GALNT11: variants seen among roughly 807,000 people sequenced by gnomAD.
GALNT11 encodes the protein UDP-GalNAc:polypeptide N-acetylgalactosaminyltransferase 11.
In GALNT11, 47 loss-of-function variants were observed where a neutral mutation model predicts 72.7. The observed-to-expected ratio is 0.65, with a 90% confidence interval of 0.51 to 0.82. The LOEUF (loss-of-function observed/expected upper bound fraction) is 0.82. GALNT11 is among the 40% of genes least tolerant of loss of function. GALNT11 has a pLI of 0.00. For synonymous variants in GALNT11, 270 were observed against 286.6 expected, an observed-to-expected ratio of 0.94 and a Z score of 0.58; for missense variants, 677 against 778.4, an observed-to-expected ratio of 0.87 and a Z score of 1.55.
intron 1 of GALNT11, among the ~76,000 whole-genome samples, chr7:152,030,594 C>G (rs1180155081): frequency 6.6e-6 from 1 of 152,200 alleles, no homozygotes; most frequent in Non-Finnish European, 1.5e-5. Flanking sequence ...TTGCCGCCCA[C>G]AATAGGGTAC....
intron 8 of GALNT11, among the ~76,000 whole-genome samples, chr7:152,113,808 C>T (rs893784114): frequency 1.4e-5 from 2 of 140,666 alleles, no homozygotes; most frequent in Non-Finnish European, 3.1e-5. Context: ...GTGATCACGG[C>T]TCACTGCAGC....
chr7:152,094,096 G>C lies in GALNT11; in HGVS notation c.-38-94G>C. On this transcript the variant is annotated intron_variant, in intron 1 of 11. Transcript: ENST00000430044. The surrounding 1 kb of genome is among the most constrained non-coding windows in gnomAD (Gnocchi z 4.3). ...ATATCCGTTAACTGTACGCATAGTG[G>C]TCCTACTTGGTGGTTTGGAAAACAG... is the stretch of plus-strand genomic sequence containing the variant. 1.0e-6 allele frequency: 1 copy of C among 979,068 alleles called. No homozygotes were observed. Among genetic ancestry groups the C allele is most frequent in the Non-Finnish European group, 1.5e-6 (1 of 653,154 alleles). 60.6% of individuals were successfully genotyped at this position (979,068 alleles called of 1,614,324 possible).
chr7:152,111,899 A>G (rs928465698), intron 7 of GALNT11, among the ~76,000 whole-genome samples: 1 of 152,178 alleles, frequency 6.6e-6, no homozygotes, highest in Non-Finnish European at 1.5e-5. Flanking sequence ...ATGCTGCATT[A>G]TACCATCACC....
intron 1 of GALNT11, among the ~76,000 whole-genome samples, chr7:152,032,709 C>T (rs2082362962): frequency 6.6e-6 from 1 of 152,140 alleles, no homozygotes; most frequent in African/African-American, 2.4e-5. Flanking sequence ...CCAAATTGTC[C>T]TTCCAATGCC....
intron 1 of GALNT11, among the ~76,000 whole-genome samples, chr7:152,069,997 C>CTTTT (rs879494057): frequency 2.6e-4 from 37 of 143,482 alleles, no homozygotes; most frequent in East Asian, 8.1e-4. Flanking sequence ...TTTTCTTTTT[C>CTTTT]TTTTTCTTTT....
intron 1 of GALNT11, among the ~76,000 whole-genome samples, chr7:152,065,925 A>G (rs575052985): frequency 1.6e-4 from 24 of 152,168 alleles, no homozygotes; most frequent in Non-Finnish European, 3.1e-4. Flanking sequence ...CCATTCTCAG[A>G]TCTTAAACTC....
intron 8 of GALNT11, among the ~76,000 whole-genome samples, chr7:152,114,562 CTT>C (rs56851473): frequency 9.8e-5 from 14 of 142,906 alleles, no homozygotes; most frequent in Non-Finnish European, 7.7e-5. Flanking sequence ...GTTGTTTCCA[CTT>C]TTTTTTTTTT....
chr7:152,109,321 G>T (rs1311358784), intron 6 of GALNT11, among the ~76,000 whole-genome samples: 1 of 152,210 alleles, frequency 6.6e-6, no homozygotes, highest in Non-Finnish European at 1.5e-5. Flanking sequence ...TGTTCTTTCA[G>T]CCTTTGAAGG....
chr7:152,047,689 T>C lies in GALNT11; in HGVS notation c.-39+21805T>C, dbSNP rs1032101343. Among the ~76,000 whole-genome samples, 10 of 142,290 alleles carry C rather than the reference T, an allele frequency of 7.0e-5. No individual in the cohort carries two copies. The East Asian group carries it at 2.0e-3, about 28-fold the overall frequency. The allele number at this position is 142,290 out of a possible 152,430, so 93.3% of individuals were successfully genotyped here. ...TCTAGCCTGGTCAACAGTGACACCG[T>C]GTGTGTGTGTGTGTGTGTGTGCGCA... On this transcript the variant is annotated intron_variant, in intron 1 of 11. Transcript: ENST00000430044.
At chr7:152,116,726 TG>T (rs758518507) in intron 8 of GALNT11, among the ~76,000 whole-genome samples, 4 of 152,232 alleles carry the variant, frequency 2.6e-5, no homozygotes, top group Non-Finnish European at 4.4e-5. Flanking sequence ...TAAATGCAGA[TG>T]TGAGAATTTA....
At chr7:152,040,063 A>G (rs1315100984) in intron 1 of GALNT11, among the ~76,000 whole-genome samples, 1 of 152,022 alleles carries the variant, frequency 6.6e-6, no homozygotes, top group Non-Finnish European at 1.5e-5. Context: ...TGAGAATTAT[A>G]TGGGATACCA....
intron 1 of GALNT11, among the ~76,000 whole-genome samples, chr7:152,082,650 A>G (rs1022707507): frequency 2.6e-5 from 4 of 152,256 alleles, no homozygotes; most frequent in Admixed American, 2.0e-4. Flanking sequence ...GCTAGCAGAT[A>G]TTTAAGAATG....
rs988820424 is a variant in GALNT11 at position 152,103,353 on chromosome 7, TG to T, written c.586+76del. On this transcript the variant is annotated intron_variant, in intron 4 of 11. Coordinates refer to ENST00000430044, the MANE Select transcript of GALNT11 (RefSeq NM_022087.4). ...CAGCACTGACAAACACTAACACAGC[TG>T]AACTTTCAAGTACGTGGTAGGTGGG... The T allele has an allele frequency of 2.0e-6, 3 of 1,482,032 alleles. No individual in the cohort carries two copies. In the African/African-American group the frequency reaches 4.1e-5, roughly 20 times the overall value. 91.8% of individuals were successfully genotyped at this position (1,482,032 alleles called of 1,614,324 possible).
intron 1 of GALNT11, among the ~76,000 whole-genome samples, chr7:152,032,715 A>G (rs541790236): frequency 1.3e-5 from 2 of 152,268 alleles, no homozygotes; most frequent in Admixed American, 6.5e-5. Context: ...TGTCCTTCCA[A>G]TGCCCAGACT....
chr7:152,034,835 C>A (rs1284751409), intron 1 of GALNT11, among the ~76,000 whole-genome samples: 1 of 152,068 alleles, frequency 6.6e-6, no homozygotes, highest in Non-Finnish European at 1.5e-5. Context: ...TGGCCCTTAC[C>A]AATGCATTCT....
Position 152,027,593 on chromosome 7 carries a change from A to G in GALNT11, c.-39+1709A>G, listed in dbSNP as rs561787579. 15 of 152,724 alleles carry G rather than the reference A, an allele frequency of 9.8e-5. No individual in the cohort carries two copies. In the South Asian group the frequency reaches 3.1e-3, roughly 31 times the overall value. 9.5% of individuals were successfully genotyped at this position (152,724 alleles called of 1,614,324 possible). On this transcript the variant is annotated intron_variant, in intron 1 of 11. Coordinates refer to ENST00000430044, the MANE Select transcript of GALNT11 (RefSeq NM_022087.4). ...CAGCCCCAAGTGAGGAAGGGGTTTT[A>G]TAGTCCTCTGTAAGCAGGAAGTGTC... is the stretch of plus-strand genomic sequence containing the variant.
At chr7:152,086,802 A>G (rs911376897) in intron 1 of GALNT11, among the ~76,000 whole-genome samples, 3 of 152,234 alleles carry the variant, frequency 2.0e-5, no homozygotes, top group African/African-American at 7.2e-5. Context: ...TTTTATCACA[A>G]AGACCATTAT....
chr7:152,113,241 G>C lies in GALNT11; in HGVS notation c.1081-5G>C. On this transcript the variant is annotated splice_polypyrimidine_tract_variant and splice_region_variant and intron_variant, in intron 7 of 11. Transcript: ENST00000430044. ...CTGTTAACACCTGTTTTTGCTTCTG[G>C]CCAGATCTGGATGTGTGGCGGTAAG... 7 of 1,603,784 alleles carry C rather than the reference G, an allele frequency of 4.4e-6. No homozygotes were observed. The highest frequency in any genetic ancestry group is 4.3e-6 in the Non-Finnish European group (5 of 1,175,928).
At chr7:152,041,602 AG>A (rs2082863614) in intron 1 of GALNT11, among the ~76,000 whole-genome samples, 1 of 152,226 alleles carries the variant, frequency 6.6e-6, no homozygotes, top group East Asian at 1.9e-4. Context: ...GCAAATCTAG[AG>A]TCTTCTCTGG....
Sources: allele counts gnomAD v4.1 joint callset (sites outside exome capture counted in the v4.1 genomes callset), GRCh38; gene constraint gnomAD v4.1.1; non-coding constraint Gnocchi (gnomAD v3.1); transcripts MANE v1.5; gene names NCBI Gene and HGNC (gene_info 2026-07-23, HGNC 2026-07-21).